RPTOR: variants seen among roughly 807,000 people sequenced by gnomAD.
The protein encoded by RPTOR is regulatory associated protein of MTOR complex 1, also known as regulatory-associated protein of mTOR.
RPTOR carries 21 observed loss-of-function variants against 169.9 expected under a neutral mutation model. That is an observed-to-expected ratio of 0.12 (90% CI 0.09 to 0.18). The LOEUF (loss-of-function observed/expected upper bound fraction) is 0.18, where lower values mean the gene tolerates loss of function less well. RPTOR is among the 10% of genes least tolerant of loss of function. The pLI, the probability that RPTOR is intolerant of heterozygous loss-of-function variation, is 1.00. For synonymous variants in RPTOR, 732 were observed against 753.2 expected (o/e 0.97, Z 0.46); for missense variants, 1,133 against 1,855.9 (o/e 0.61, Z 7.16).
chr17:80,625,648 C>A (rs753186486), intron 1 of RPTOR, 43 bp from the exon 2 acceptor site: 3 of 1,405,240 alleles, frequency 2.1e-6, no homozygotes, highest in South Asian at 2.3e-5. Context: ...TAAACGAGTT[C>A]CATATTGAAA....
intron 5 of RPTOR, among the ~76,000 whole-genome samples, chr17:80,735,528 G>A (rs746491299): frequency 1.3e-5 from 2 of 152,158 alleles, no homozygotes; most frequent in African/African-American, 2.4e-5. Flanking sequence ...TCTTGGAAAC[G>A]GAGCCCATGA....
At chr17:80,869,304 C>A (rs778307677) in intron 13 of RPTOR, among the ~76,000 whole-genome samples, 2 of 152,118 alleles carry the variant, frequency 1.3e-5, no homozygotes, top group Non-Finnish European at 2.9e-5. Context: ...GGACTACAGA[C>A]GCCTGCCACC....
At chr17:80,657,638 C>T (rs746656274) in intron 3 of RPTOR, among the ~76,000 whole-genome samples, 16 of 152,152 alleles carry the variant, frequency 1.1e-4, no homozygotes, top group South Asian at 2.1e-4. Flanking sequence ...CTGGTTCTGT[C>T]GAGTGGCCAC....
intron 18 of RPTOR, among the ~76,000 whole-genome samples, chr17:80,892,422 G>T (rs942282923): frequency 6.6e-6 from 1 of 152,216 alleles, no homozygotes; most frequent in Admixed American, 6.5e-5. Context: ...CGGGGAGCAC[G>T]GCTCACGGCC....
chr17:80,884,290 G>T (rs1038442722), intron 16 of RPTOR, among the ~76,000 whole-genome samples: 1 of 151,868 alleles, frequency 6.6e-6, no homozygotes, highest in Non-Finnish European at 1.5e-5. Flanking sequence ...GCAAGGCAGG[G>T]ACCACTAGAT....
chr17:80,616,065 C>T (rs760408455), intron 1 of RPTOR, among the ~76,000 whole-genome samples: 1 of 152,080 alleles, frequency 6.6e-6, no homozygotes, highest in Non-Finnish European at 1.5e-5. Flanking sequence ...TGCCTGGGAG[C>T]CCTGCATATT....
intron 21 of RPTOR, among the ~76,000 whole-genome samples, chr17:80,922,041 C>A (rs960709885): frequency 2.6e-5 from 4 of 152,168 alleles, no homozygotes; most frequent in African/African-American, 9.7e-5. Context: ...TGGAGAGAGC[C>A]CAAGCCCCCT....
intron 5 of RPTOR, among the ~76,000 whole-genome samples, chr17:80,745,410 T>C (rs148845585): frequency 6.6e-6 from 1 of 152,210 alleles, no homozygotes; most frequent in Admixed American, 6.5e-5. Flanking sequence ...AGGAGCTCCT[T>C]CTGCTCTCTC....
At chr17:80,780,048 C>T (rs1407193287) in intron 6 of RPTOR, among the ~76,000 whole-genome samples, 2 of 152,128 alleles carry the variant, frequency 1.3e-5, no homozygotes, top group Admixed American at 6.5e-5. Flanking sequence ...ACATTTTCCA[C>T]GCCTCTGGCT....
chr17:80,666,644 ATCAT>A (rs111693485), intron 3 of RPTOR, among the ~76,000 whole-genome samples: 6 of 152,098 alleles, frequency 3.9e-5, no homozygotes, highest in East Asian at 1.9e-4. Context: ...GAAAATAAAC[ATCAT>A]TCATTCATTC....
intron 2 of RPTOR, among the ~76,000 whole-genome samples, chr17:80,627,156 C>T (rs1250475905): frequency 1.3e-5 from 2 of 152,154 alleles, no homozygotes; most frequent in Non-Finnish European, 2.9e-5. Context: ...AATAACTGGA[C>T]TTATAGGCAC....
intron 3 of RPTOR, among the ~76,000 whole-genome samples, chr17:80,653,481 G>A (rs572051417): frequency 6.6e-6 from 1 of 152,330 alleles, no homozygotes; most frequent in Admixed American, 6.5e-5. Flanking sequence ...GTTTTTGTTA[G>A]GAGTCTTTTG....
chr17:80,903,576 G>A (rs1251070698), intron 20 of RPTOR, among the ~76,000 whole-genome samples: 1 of 152,222 alleles, frequency 6.6e-6, no homozygotes, highest in African/African-American at 2.4e-5. Context: ...TAAAGACGGG[G>A]TTTCGCTGTG....
chr17:80,713,059 C>A (rs986070348), intron 4 of RPTOR, among the ~76,000 whole-genome samples: 2 of 151,880 alleles, frequency 1.3e-5, no homozygotes, highest in Non-Finnish European at 2.9e-5. Flanking sequence ...ATTTCAGATG[C>A]CAGTTTTTTG....
intron 11 of RPTOR, among the ~76,000 whole-genome samples, chr17:80,847,065 C>T (rs1017051244): frequency 3.3e-5 from 5 of 152,258 alleles, no homozygotes; most frequent in Admixed American, 6.5e-5. Context: ...ACCGGCGAAG[C>T]GGGCAGAGCG....
chr17:80,598,834 G>A (rs959111736), intron 1 of RPTOR, among the ~76,000 whole-genome samples: 1 of 152,188 alleles, frequency 6.6e-6, no homozygotes, highest in East Asian at 1.9e-4. Flanking sequence ...CTGTTCAGAC[G>A]CTAGAAAAGG....
Position 80,912,740 on chromosome 17 carries a change from G to C in RPTOR, c.2520+3811G>C, listed in dbSNP as rs537700073. ...CACGGTAAGGCAGTTAAGCACCTGCGTCTGCCTTTCATGTTAGCAGGTTAT... is the reference window on the plus strand; with the variant it reads ...CACGGTAAGGCAGTTAAGCACCTGCCTCTGCCTTTCATGTTAGCAGGTTAT... On this transcript the variant is annotated intron_variant, in intron 21 of 33. Transcript: ENST00000306801. Among the ~76,000 whole-genome samples the C allele has an allele frequency of 5.9e-5, 9 of 152,282 alleles. No individual in the cohort carries two copies. The South Asian group carries it at 1.9e-3, about 32-fold the overall frequency.
At chr17:80,950,463 T>G (rs1383134785) in intron 28 of RPTOR, among the ~76,000 whole-genome samples, 1 of 152,008 alleles carries the variant, frequency 6.6e-6, no homozygotes, top group African/African-American at 2.4e-5. Context: ...CGGGACGTCA[T>G]GGGGGCAGCT....
chr17:80,939,383 A>G (rs1235030994), intron 24 of RPTOR, among the ~76,000 whole-genome samples: 1 of 152,362 alleles, frequency 6.6e-6, no homozygotes, highest in Middle Eastern at 3.4e-3. Flanking sequence ...GCACACACGC[A>G]CACACACGCA....
Sources: gnomAD v4.1 joint callset for allele counts (sites outside exome capture counted in the v4.1 genomes callset) on GRCh38, gnomAD v4.1.1 for gene constraint, MANE v1.5 for transcripts, NCBI Gene and HGNC (gene_info 2026-07-23, HGNC 2026-07-21) for gene names.